The following C7 variants were observed in gnomAD, a reference collection of about 807,000 sequenced individuals.
C7 encodes the protein complement component C7.
In C7, 83 loss-of-function variants were observed where a neutral mutation model predicts 104.8. The observed-to-expected ratio is 0.79, with a 90% CI of 0.66 to 0.95. C7 has a LOEUF of 0.95. Among genes scored for constraint, C7 ranks in the 40% least tolerant of loss-of-function variants. The pLI, the probability that C7 is intolerant of heterozygous loss-of-function variation, is 0.00. For synonymous variants in C7, 415 were observed against 360.6 expected (o/e 1.15, Z -1.71); for missense variants, 1,070 against 1,011.2 (o/e 1.06, Z -0.79).
At chr5:40,978,873 ATT>A (rs372551834) in intron 16 of C7, among the ~76,000 whole-genome samples, 22,337 of 80,444 alleles carry the variant, frequency 0.28, 2,726 homozygotes, top group South Asian at 0.46. Context: ...TTTTATGGAA[ATT>A]TTTTTTTTTT....
chr5:40,941,211 G>A (rs10066341), intron 6 of C7, among the ~76,000 whole-genome samples: 13,457 of 151,966 alleles, frequency 0.089, 744 homozygotes, highest in South Asian at 0.21. Context: ...TTACAGGCGT[G>A]TACTACCATG....
At chr5:40,973,631 C>G (rs558828314) in intron 15 of C7, among the ~76,000 whole-genome samples, 2 of 152,300 alleles carry the variant, frequency 1.3e-5, no homozygotes, top group South Asian at 4.1e-4. Flanking sequence ...GTTAAGTTAT[C>G]AAAGCTCCAT....
chr5:40,981,801 A>G lies in C7; in HGVS notation c.*228A>G, dbSNP rs965503933. The G allele has an allele frequency of 5.0e-6, 2 of 399,526 alleles. No individual in the cohort carries two copies. The highest frequency in any genetic ancestry group is 2.0e-5 in the African/African-American group (1 of 49,578). The allele number at this position is 399,526 out of a possible 1,614,324, so 24.7% of individuals were successfully genotyped here. A position where few individuals can be genotyped will look rare whatever the true frequency, so the allele number is the denominator to read the frequency against. ...TCAGTAAGGATATGAGCCTTTGCAC[A>G]GGCTGGCTGCGTGTTCTTGAAATAG... On this transcript the variant is annotated 3_prime_UTR_variant, in exon 18 of 18. Coordinates refer to ENST00000313164, the MANE Select transcript of C7 (RefSeq NM_000587.4).
At chr5:40,961,003 A>G (rs964913823) in intron 12 of C7, among the ~76,000 whole-genome samples, 2 of 152,300 alleles carry the variant, frequency 1.3e-5, no homozygotes, top group East Asian at 1.9e-4. Flanking sequence ...TTTTAGGCTT[A>G]AGATTCTTAC....
chr5:40,965,644 A>T (rs62357070), intron 14 of C7, among the ~76,000 whole-genome samples: 24,637 of 84,892 alleles, frequency 0.29, 2,715 homozygotes, highest in South Asian at 0.52. Flanking sequence ...ATATATATAT[A>T]TATATTTTTT....
At chr5:40,952,245 C>T (rs1209701009) in intron 9 of C7, among the ~76,000 whole-genome samples, 4 of 152,196 alleles carry the variant, frequency 2.6e-5, no homozygotes, top group Non-Finnish European at 4.4e-5. Flanking sequence ...TTCATATTCT[C>T]ATTTTACAGA....
chr5:40,935,054 A>T (rs914981900), intron 4 of C7, among the ~76,000 whole-genome samples: 2 of 152,170 alleles, frequency 1.3e-5, no homozygotes. Context: ...CTTCCCTCAC[A>T]AATATTAAAG....
chr5:40,942,920 A>T (rs2111616314), intron 6 of C7, among the ~76,000 whole-genome samples: 1 of 152,202 alleles, frequency 6.6e-6, no homozygotes, highest in East Asian at 1.9e-4. Context: ...ACGCACCACC[A>T]TGCCCAGCTA....
intron 2 of C7, among the ~76,000 whole-genome samples, chr5:40,929,441 G>A (rs2455307): frequency 0.23 from 34,486 of 151,978 alleles, 4,098 homozygotes; most frequent in East Asian, 0.32. Context: ...TTTGATCATT[G>A]GTACCATACG....
intron 2 of C7, among the ~76,000 whole-genome samples, chr5:40,930,759 T>A (rs1739665165): frequency 6.6e-6 from 1 of 151,722 alleles, no homozygotes; most frequent in South Asian, 2.1e-4. Flanking sequence ...AGAGACAGGG[T>A]TTCACCATGT....
Position 40,962,180 on chromosome 5 carries a change from A to G in C7, c.1749+8A>G, listed in dbSNP as rs776883318. The G allele has an allele frequency of 1.7e-5, 25 of 1,501,920 alleles. No individual in the cohort carries two copies. Among genetic ancestry groups the G allele is most frequent in the Middle Eastern group, 1.7e-4 (1 of 5,828 alleles). The allele number at this position is 1,501,920 out of a possible 1,614,324, so 93.0% of individuals were successfully genotyped here. A position where few individuals can be genotyped will look rare whatever the true frequency, so the allele number is the denominator to read the frequency against. On this transcript the variant is annotated splice_region_variant and intron_variant, in intron 13 of 17. Coordinates refer to ENST00000313164, the MANE Select transcript of C7 (RefSeq NM_000587.4). ...AAAGATGGATTTGTTCAAGTTGGTT[A>G]TGAAAGATATTTTTTTCCTTTATAA... is the stretch of plus-strand genomic sequence containing the variant.
chr5:40,974,092 C>T (rs1017478734), intron 15 of C7, among the ~76,000 whole-genome samples: 3 of 106,622 alleles, frequency 2.8e-5, no homozygotes, highest in Admixed American at 1.8e-4. Context: ...ACCATTTTAT[C>T]CATTTTTAAA....
intron 15 of C7, among the ~76,000 whole-genome samples, chr5:40,974,713 C>A (rs1028290925): frequency 1.3e-5 from 2 of 152,106 alleles, no homozygotes; most frequent in East Asian, 1.9e-4. Context: ...CCACTGCGCC[C>A]GGCTTGACAT....
At chr5:40,963,003 G>A (rs1343933756) in intron 13 of C7, among the ~76,000 whole-genome samples, 7 of 152,142 alleles carry the variant, frequency 4.6e-5, no homozygotes, top group East Asian at 3.9e-4. Context: ...GAGAGAGAGA[G>A]AAAATCAACC....
At chr5:40,932,745 G>C (rs996244973) in intron 3 of C7, among the ~76,000 whole-genome samples, 2 of 152,118 alleles carry the variant, frequency 1.3e-5, no homozygotes, top group Admixed American at 1.3e-4. Context: ...AGAGAAGAAA[G>C]AACACTAAAT....
chr5:40,922,526 C>G (rs1009525866), intron 1 of C7, among the ~76,000 whole-genome samples: 3 of 151,190 alleles, frequency 2.0e-5, no homozygotes, highest in African/African-American at 7.3e-5. Flanking sequence ...ATGGTGAAAC[C>G]CCGTCTCTAC....
intron 1 of C7, among the ~76,000 whole-genome samples, chr5:40,911,431 G>A (rs1739205143): frequency 6.6e-6 from 1 of 152,226 alleles, no homozygotes; most frequent in South Asian, 2.1e-4. Context: ...AGGTGTTGGA[G>A]AAGGATGTCA....
chr5:40,959,449 G>T lies in C7; in HGVS notation c.1490G>T (p.Gly497Val), dbSNP rs1276611442. 2 of 1,609,464 alleles carry T rather than the reference G, an allele frequency of 1.2e-6. No homozygotes were observed. Among genetic ancestry groups the T allele is most frequent in the East Asian group, 4.5e-5 (2 of 44,812 alleles). ...EQGVLVGNQA[G>V]GVDGGWSCWS... ...GATCAACCTCTTTCTCATCTTGTAGGAGGGGTTGATGGAGGTTGGAGTTGC... is the reference window on the plus strand; with the variant it reads ...GATCAACCTCTTTCTCATCTTGTAGTAGGGGTTGATGGAGGTTGGAGTTGC... The change falls in exon 12 of 18, where the codon GGA becomes GTA. Residue 497 changes from glycine to valine, a missense_variant and splice_region_variant. By Grantham distance (109) the Gly-to-Val change is moderately radical. Transcript: ENST00000313164.
chr5:40,912,979 A>G (rs567423097), intron 1 of C7, among the ~76,000 whole-genome samples: 15 of 152,002 alleles, frequency 9.9e-5, no homozygotes, highest in African/African-American at 3.1e-4. Flanking sequence ...TGAGTCTCCA[A>G]TGTCTATTAT....
Sources: allele counts gnomAD v4.1 joint callset (sites outside exome capture counted in the v4.1 genomes callset), GRCh38; gene constraint gnomAD v4.1.1; transcripts MANE v1.5; gene names NCBI Gene and HGNC (gene_info 2026-07-23, HGNC 2026-07-21).